Variants in C16orf74 observed in about 807,000 individuals in gnomAD.
C16orf74 encodes uncharacterized protein C16orf74.
In C16orf74, 10 loss-of-function variants were observed where a neutral mutation model predicts 6.5. That is an observed-to-expected ratio of 1.54 (90% CI 0.95 to 2.61). The LOEUF (loss-of-function observed/expected upper bound fraction) is 2.61, where lower values mean the gene tolerates loss of function less well. C16orf74 is among the 30% of genes most tolerant of loss of function. C16orf74 has a pLI of 0.00. For missense variants in C16orf74, 141 were observed against 105.9 expected (o/e 1.33, Z -1.45); for synonymous variants, 60 against 42.5 (o/e 1.41, Z -1.60).
chr16:85,741,211 G>A (rs957464277), intron 1 of C16orf74, among the ~76,000 whole-genome samples: 1 of 152,170 alleles, frequency 6.6e-6, no homozygotes, highest in Non-Finnish European at 1.5e-5. Flanking sequence ...CCTGCTAGCA[G>A]CTTCTACAGC....
chr16:85,723,068 G>T (rs2054098232), intron 2 of C16orf74, among the ~76,000 whole-genome samples: 1 of 152,058 alleles, frequency 6.6e-6, no homozygotes, highest in Non-Finnish European at 1.5e-5. Flanking sequence ...AGACCAGCCT[G>T]GCAAACATGA....
chr16:85,714,714 G>A (rs1041062820), intron 2 of C16orf74, among the ~76,000 whole-genome samples: 5 of 149,506 alleles, frequency 3.3e-5, no homozygotes, highest in Non-Finnish European at 5.9e-5. Context: ...CACCGTGCCC[G>A]GCCTTGGAAG....
chr16:85,750,322 G>T (rs950577004), intron 1 of C16orf74, among the ~76,000 whole-genome samples: 5 of 151,828 alleles, frequency 3.3e-5, no homozygotes, highest in African/African-American at 9.7e-5. Flanking sequence ...CCTATCCCTG[G>T]GGGGAGCTGC....
At position 85,747,333 on chromosome 16, in the gene C16orf74, T is replaced by A. The variant is rs1313061625; in HGVS notation, c.-19+3593A>T. Among the ~76,000 whole-genome samples, 3 of 152,210 alleles carry A rather than the reference T, an allele frequency of 2.0e-5. No homozygotes were observed. In the East Asian group the frequency reaches 5.8e-4, roughly 29 times the overall value. On this transcript the variant is annotated intron_variant, in intron 1 of 3. Transcript: ENST00000284245. The stretch of plus-strand genomic sequence containing the variant: ...TGGGTATGGTGGCACACACCTGTGG[T>A]CCCAACTACTTGGGGGGCTGAGTTG...
chr16:85,735,095 G>T, intron 2 of C16orf74, 95 bp downstream of exon 2: 3 of 1,096,770 alleles, frequency 2.7e-6, no homozygotes, highest in Admixed American at 2.7e-5. Flanking sequence ...TGCTCCCTCT[G>T]CAGGGCAGAG....
chr16:85,713,969 A>G (rs1025001766), intron 2 of C16orf74, among the ~76,000 whole-genome samples: 2 of 152,150 alleles, frequency 1.3e-5, no homozygotes, highest in African/African-American at 4.8e-5. Flanking sequence ...CGGGAATCAG[A>G]GCCTCCAGTG....
intron 2 of C16orf74, among the ~76,000 whole-genome samples, chr16:85,713,877 C>T (rs545844142): frequency 1.3e-5 from 2 of 152,322 alleles, no homozygotes; most frequent in South Asian, 4.1e-4. Flanking sequence ...GGAGACTGTG[C>T]CTGGGACCCT....
intron 2 of C16orf74, among the ~76,000 whole-genome samples, chr16:85,734,066 C>T (rs1275833792): frequency 2.0e-5 from 3 of 152,206 alleles, no homozygotes; most frequent in Non-Finnish European, 4.4e-5. Flanking sequence ...CTTCACTTTT[C>T]CTGTGGGCTC....
chr16:85,728,092 G>T (rs1192438093), intron 2 of C16orf74, among the ~76,000 whole-genome samples: 4 of 151,344 alleles, frequency 2.6e-5, no homozygotes, highest in African/African-American at 7.3e-5. Flanking sequence ...GACTTGTGAT[G>T]GTACCACTGC....
At chr16:85,722,323 T>C (rs2054091228) in intron 2 of C16orf74, among the ~76,000 whole-genome samples, 1 of 152,188 alleles carries the variant, frequency 6.6e-6, no homozygotes, top group Non-Finnish European at 1.5e-5. Context: ...AGCAGGCCGA[T>C]TCCAGTTAGT....
chr16:85,721,027 G>T (rs1262025360), intron 2 of C16orf74, among the ~76,000 whole-genome samples: 1 of 152,092 alleles, frequency 6.6e-6, no homozygotes, highest in African/African-American at 2.4e-5. Context: ...GGAGGCAGAG[G>T]TTGCAGTGAA....
At chr16:85,750,149 A>C (rs1382884100) in intron 1 of C16orf74, among the ~76,000 whole-genome samples, 2 of 151,734 alleles carry the variant, frequency 1.3e-5, no homozygotes, top group African/African-American at 4.8e-5. Context: ...CGAGAACCGC[A>C]CTACCTCACA....
intron 2 of C16orf74, among the ~76,000 whole-genome samples, chr16:85,721,505 T>C (rs925742924): frequency 3.3e-5 from 5 of 152,136 alleles, no homozygotes; most frequent in Non-Finnish European, 5.9e-5. Context: ...TAACAAATAG[T>C]TTTTTTAGTA....
intron 2 of C16orf74, among the ~76,000 whole-genome samples, chr16:85,718,661 G>T (rs2054048920): frequency 6.6e-6 from 1 of 152,244 alleles, no homozygotes; most frequent in Non-Finnish European, 1.5e-5. Flanking sequence ...CCTCACTCCA[G>T]CCAATGCGGT....
At chr16:85,709,495 G>GTTGTTGTTATTATTA (rs150032889) in intron 3 of C16orf74, among the ~76,000 whole-genome samples, 1 of 147,418 alleles carries the variant, frequency 6.8e-6, no homozygotes, top group East Asian at 2.0e-4. Flanking sequence ...CATCCCCAAT[G>GTTGTTGTTATTATTA]TTATTATTAT....
chr16:85,740,722 G>T (rs1292053959), intron 1 of C16orf74, among the ~76,000 whole-genome samples: 2 of 149,120 alleles, frequency 1.3e-5, no homozygotes, highest in African/African-American at 4.9e-5. Context: ...AAATTATCCG[G>T]GCTTGGTGGC....
intron 1 of C16orf74, chr16:85,741,751 C>T (rs2054311010): frequency 5.9e-6 from 1 of 168,598 alleles, no homozygotes; most frequent in Admixed American, 6.5e-5. Context: ...CAGGTCATTT[C>T]CCGAGTCTGA....
intron 2 of C16orf74, among the ~76,000 whole-genome samples, chr16:85,718,204 G>C (rs1198575901): frequency 1.3e-5 from 2 of 152,134 alleles, no homozygotes; most frequent in Admixed American, 6.6e-5. Context: ...CAAAGTGCTG[G>C]GTGAAACTAC....
At chr16:85,710,781 C>T (rs756388617) in intron 2 of C16orf74, 1 of 154,704 alleles carries the variant, frequency 6.5e-6, no homozygotes, top group Non-Finnish European at 1.4e-5. Context: ...GTAACAAGCT[C>T]CTGCTTATCC....
Sources: gnomAD v4.1 joint callset for allele counts (sites outside exome capture counted in the v4.1 genomes callset) on GRCh38, gnomAD v4.1.1 for gene constraint, MANE v1.5 for transcripts, NCBI Gene and HGNC (gene_info 2026-07-23, HGNC 2026-07-21) for gene names.